Variants in REDIC1 observed in about 807,000 individuals in gnomAD.
REDIC1 encodes regulator of DNA class I crossover intermediates 1, also known as HEI10 Interacting Protein 1.
chr12:39,773,721 A>G, the REDIC1 span, among the ~76,000 whole-genome samples: 1 of 152,194 alleles, frequency 6.6e-6, no homozygotes. Context: ...AGGCTTATAT[A>G]TGGGAGTAGA....
the REDIC1 span, among the ~76,000 whole-genome samples, chr12:39,728,242 C>T: frequency 1.7e-3 from 261 of 152,246 alleles, no homozygotes; most frequent in African/African-American, 5.9e-3. Flanking sequence ...GGAATGCTTC[C>T]AGCTTTTGCC....
At chr12:39,850,504 T>C in the REDIC1 span, among the ~76,000 whole-genome samples, 1 of 152,160 alleles carries the variant, frequency 6.6e-6, no homozygotes, top group Non-Finnish European at 1.5e-5. Flanking sequence ...TTTCTGAATT[T>C]TACTCTAGTC....
At chr12:39,692,264 T>C in the REDIC1 span, 4 of 701,482 alleles carry the variant, frequency 5.7e-6, no homozygotes, top group Non-Finnish European at 8.5e-6. Flanking sequence ...CTCGTTAAAA[T>C]TACTTTTATA....
the REDIC1 span, among the ~76,000 whole-genome samples, chr12:39,681,860 A>T: frequency 1.3e-5 from 2 of 151,998 alleles, no homozygotes; most frequent in Non-Finnish European, 2.9e-5. Flanking sequence ...TTTTTTCCTA[A>T]TTTTTTTGAT....
the REDIC1 span, among the ~76,000 whole-genome samples, chr12:39,733,686 T>G: frequency 6.6e-6 from 1 of 152,208 alleles, no homozygotes; most frequent in African/African-American, 2.4e-5. Flanking sequence ...AACTTTCCTG[T>G]GGCTTTGTTT....
chr12:39,732,970 T>G, the REDIC1 span, among the ~76,000 whole-genome samples: 2 of 152,266 alleles, frequency 1.3e-5, no homozygotes, highest in South Asian at 4.2e-4. Flanking sequence ...GTCTTCATTT[T>G]TTTAAATTGG....
the REDIC1 span, among the ~76,000 whole-genome samples, chr12:39,896,029 T>A: frequency 7.6e-6 from 1 of 130,972 alleles, no homozygotes; most frequent in Non-Finnish European, 1.6e-5. Context: ...TATACATACA[T>A]GCATATGTTT....
the REDIC1 span, among the ~76,000 whole-genome samples, chr12:39,847,296 T>TC: frequency 8.5e-3 from 1,298 of 152,172 alleles, 20 homozygotes; most frequent in African/African-American, 0.03. Context: ...CATTCATTCT[T>TC]CCCTCCTCCT....
At chr12:39,886,560 C>T in the REDIC1 span, among the ~76,000 whole-genome samples, 42 of 151,898 alleles carry the variant, frequency 2.8e-4, no homozygotes, top group African/African-American at 9.4e-4. Context: ...AACCATCTGG[C>T]TAATTCTGAA....
the REDIC1 span, among the ~76,000 whole-genome samples, chr12:39,894,632 C>G: frequency 7.9e-5 from 12 of 152,178 alleles, no homozygotes; most frequent in African/African-American, 2.9e-4. Context: ...TAAAATTAAA[C>G]TGATCTATTT....
At chr12:39,803,567 C>T in the REDIC1 span, among the ~76,000 whole-genome samples, 3 of 152,172 alleles carry the variant, frequency 2.0e-5, no homozygotes, top group African/African-American at 7.2e-5. Flanking sequence ...CATACACACA[C>T]ATACACACAC....
the REDIC1 span, among the ~76,000 whole-genome samples, chr12:39,730,509 G>T: frequency 4.6e-5 from 7 of 152,204 alleles, no homozygotes; most frequent in Admixed American, 4.6e-4. Flanking sequence ...GGCTTGTAGG[G>T]TTTCTGCAGA....
chr12:39,876,592 G>T, the REDIC1 span, among the ~76,000 whole-genome samples: 1 of 152,072 alleles, frequency 6.6e-6, no homozygotes, highest in Admixed American at 6.6e-5. Context: ...ATAATAGAGA[G>T]GTAGAACATG....
At chr12:39,805,770 G>C in the REDIC1 span, among the ~76,000 whole-genome samples, 18 of 152,200 alleles carry the variant, frequency 1.2e-4, no homozygotes, top group Non-Finnish European at 4.4e-5. Flanking sequence ...AACCAGATCT[G>C]AGTGGGCAAG....
At chr12:39,828,908 T>C in the REDIC1 span, among the ~76,000 whole-genome samples, 363 of 152,278 alleles carry the variant, frequency 2.4e-3, no homozygotes, top group African/African-American at 8.5e-3. Flanking sequence ...TATTTCTTTG[T>C]AATTAGTATA....
At chr12:39,899,412 TG>T in the REDIC1 span, among the ~76,000 whole-genome samples, 1 of 152,204 alleles carries the variant, frequency 6.6e-6, no homozygotes, top group Admixed American at 6.5e-5. Context: ...TCAATTTTGC[TG>T]ATCCTTTCAA....
chr12:39,688,002 G>C, the REDIC1 span, among the ~76,000 whole-genome samples: 5 of 152,128 alleles, frequency 3.3e-5, no homozygotes, highest in African/African-American at 1.2e-4. Context: ...CAGCTATACT[G>C]TTTTCCCTTT....
At chr12:39,677,900 T>C in the REDIC1 span, among the ~76,000 whole-genome samples, 16,794 of 152,096 alleles carry the variant, frequency 0.11, 1,011 homozygotes, top group Middle Eastern at 0.14. Flanking sequence ...TGAACAGTTG[T>C]AGTGACAAAA....
At chr12:39,849,817 A>G in the REDIC1 span, among the ~76,000 whole-genome samples, 1 of 151,988 alleles carries the variant, frequency 6.6e-6, no homozygotes, top group Non-Finnish European at 1.5e-5. Flanking sequence ...TAAAAATCCT[A>G]CCTTACTTTT....
Sources: gnomAD v4.1 joint callset for allele counts (sites outside exome capture counted in the v4.1 genomes callset) on GRCh38, gnomAD v4.1.1 for gene constraint, MANE v1.5 for transcripts, NCBI Gene and HGNC (gene_info 2026-07-23, HGNC 2026-07-21) for gene names.